ATP4A: variants seen among roughly 807,000 people sequenced by gnomAD.
The protein encoded by ATP4A is potassium-transporting ATPase alpha chain 1.
Under a neutral mutation model 112.1 loss-of-function variants are expected in ATP4A, and 73 were observed. The observed-to-expected ratio is 0.65, with a 90% CI of 0.54 to 0.79. ATP4A has a LOEUF of 0.79. ATP4A is among the 30% of genes least tolerant of loss of function. ATP4A has a pLI of 0.00. For synonymous variants in ATP4A, 588 were observed against 588.9 expected, an observed-to-expected ratio of 1.00 and a Z score of 0.02; for missense variants, 1,081 against 1,425.9, an observed-to-expected ratio of 0.76 and a Z score of 3.90.
Position 35,550,663 on chromosome 19 carries a change from A to G in ATP4A, c.3080-20T>C, listed in dbSNP as rs1179792301. On this transcript the variant is annotated intron_variant, in intron 21 of 21. Transcript: ENST00000262623. The surrounding 1 kb of genome is among the most constrained non-coding windows in gnomAD (Gnocchi z 4.1). Reference sequence around the variant, plus strand: ...ACCAGCCTGGGAGAGAGAGGGAGAAAGGAGACTCAGTGCTGGGGGTGCCAC... The same window carrying G: ...ACCAGCCTGGGAGAGAGAGGGAGAAGGGAGACTCAGTGCTGGGGGTGCCAC... The G allele has an allele frequency of 4.3e-6, 7 of 1,613,790 alleles. No homozygotes were observed. Among genetic ancestry groups the G allele is most frequent in the Non-Finnish European group, 5.1e-6 (6 of 1,179,812 alleles).
rs766648576 is a variant in ATP4A at position 35,556,963 on chromosome 19, G to T, written c.1819C>A (p.Arg607=). ...AGCACAGCATCAGGGACGGTGGCCC[G>T]GGGTGGGTCAATCATGGATACAAGT... ...AGLVSMIDPP[R]ATVPDAVLKC... Residue 607 remains arginine, a synonymous_variant, in exon 12 of 22, where the codon CGG becomes AGG. Coordinates refer to ENST00000262623, the MANE Select transcript of ATP4A (RefSeq NM_000704.3). 1.9e-6 allele frequency: 3 copies of T among 1,614,066 alleles called. No individual in the cohort carries two copies. Among genetic ancestry groups the T allele is most frequent in the Non-Finnish European group, 2.5e-6 (3 of 1,180,038 alleles).
chr19:35,558,582 G>A lies in ATP4A; in HGVS notation c.1360C>T (p.Pro454Ser), dbSNP rs756885561. 4 of 1,603,100 alleles carry A rather than the reference G, an allele frequency of 2.5e-6. No individual in the cohort carries two copies. Among genetic ancestry groups the A allele is most frequent in the Non-Finnish European group, 3.4e-6 (4 of 1,175,802 alleles). The change falls in exon 9 of 22, where the codon CCC becomes TCC. Residue 454 changes from proline (P) to serine (S), a missense_variant. By Grantham distance (74) the Pro-to-Ser change is moderately conservative (BLOSUM62 -1). This residue lies in a region of ATP4A where 850 missense variants were observed against 1,068.2 expected (regional missense o/e 0.80). Coordinates refer to ENST00000262623, the MANE Select transcript of ATP4A (RefSeq NM_000704.3). This position sits in a 1 kb window ranked among gnomAD's most constrained non-coding sequence, Gnocchi z 5.1. ...FKSGQDAVPV[P>S]KRIVIGDASE... ...GGAGGCCCCCTGGCTCTCACCTTGG[G>A]CACAGGCACTGCATCCTGGCCGGAC...
At chr19:35,563,153 C>G (rs1286830852) in intron 3 of ATP4A, 56 bp downstream of exon 3, 6 of 1,588,368 alleles carry the variant, frequency 3.8e-6, no homozygotes, top group Non-Finnish European at 5.2e-6. Context: ...CTTCCATCTC[C>G]CTCTCCCTCC....
In ATP4A at chr19:35,553,686, C is replaced by T. The variant is rs1296456062; in HGVS notation, c.2605+20G>A. 3 of 1,611,850 alleles carry T rather than the reference C, an allele frequency of 1.9e-6. No individual in the cohort carries two copies. Among genetic ancestry groups the T allele is most frequent in the Non-Finnish European group, 2.5e-6 (3 of 1,179,258 alleles). On this transcript the variant is annotated intron_variant, in intron 17 of 21. Coordinates refer to ENST00000262623, the MANE Select transcript of ATP4A (RefSeq NM_000704.3). ...CGCAGAGCCCCCCACCTCCAGGCTC[C>T]CCGGCCCACGGGCACCCACCAATCT...
Position 35,559,888 on chromosome 19 carries a change from C to T in ATP4A, c.973G>A (p.Gly325Ser), listed in dbSNP as rs1368434053. The stretch of plus-strand genomic sequence containing the variant: ...ACCATGGCCCGCAGGAAGGTGTAGC[C>T]AATGCACATGGCCACAATAAAAAAT... ...ATFFIVAMCI[G>S]YTFLRAMVFF... The change falls in exon 7 of 22, where the codon GGC (glycine) becomes AGC (serine). Residue 325 changes from glycine (G) to serine (S), a missense_variant. Around this residue, in one of 3 missense-constraint regions of ATP4A, gnomAD observed 850 missense variants for 1,068.2 expected, o/e 0.80. Coordinates refer to ENST00000262623, the MANE Select transcript of ATP4A (RefSeq NM_000704.3). This position sits in a 1 kb window ranked among gnomAD's most constrained non-coding sequence, Gnocchi z 4.1. 1 of 1,614,202 alleles carries T rather than the reference C, an allele frequency of 6.2e-7. No homozygotes were observed. The highest frequency in any genetic ancestry group is 8.5e-7 in the Non-Finnish European group (1 of 1,180,032).
chr19:35,557,819 C>T lies in ATP4A; in HGVS notation c.1529G>A (p.Arg510Gln), dbSNP rs1020971073. 5.2e-6 allele frequency: 8 copies of T among 1,541,632 alleles called. No individual in the cohort carries two copies. The highest frequency in any genetic ancestry group is 7.0e-6 in the Non-Finnish European group (8 of 1,137,378). Residue 510 changes from arginine to glutamine, a missense_variant, in exon 11 of 22, where the codon CGG becomes CAG. Arg to Gln is a conservative substitution (Grantham distance 43, BLOSUM62 1). Around this residue, in one of 3 missense-constraint regions of ATP4A, gnomAD observed 850 missense variants for 1,068.2 expected, o/e 0.80. Coordinates refer to ENST00000262623, the MANE Select transcript of ATP4A (RefSeq NM_000704.3). This position sits in a 1 kb window ranked among gnomAD's most constrained non-coding sequence, Gnocchi z 4.4. ...QLSIHTLEDPRDPRHLLVMKG... is the reference protein window; with the variant it reads ...QLSIHTLEDPQDPRHLLVMKG... Reference sequence around the variant, plus strand: ...CATCACCAGCAAGTGTCGCGGGTCCCGCGGGTCCTCCAGCGTATGGATGGA... The same window carrying T: ...CATCACCAGCAAGTGTCGCGGGTCCTGCGGGTCCTCCAGCGTATGGATGGA...
rs201359040 is a variant in ATP4A at position 35,559,941 on chromosome 19, G to A, written c.920C>T (p.Ala307Val). 45 of 1,614,110 alleles carry A rather than the reference G, an allele frequency of 2.8e-5. No homozygotes were observed. Among genetic ancestry groups the A allele is most frequent in the Non-Finnish European group, 3.5e-5 (41 of 1,180,046 alleles). The change falls in exon 7 of 22, where the codon GCG (alanine) becomes GTG (valine). Residue 307 changes from alanine (A) to valine (V), a missense_variant. Coordinates refer to ENST00000262623, the MANE Select transcript of ATP4A (RefSeq NM_000704.3). The surrounding 1 kb of genome is among the most constrained non-coding windows in gnomAD (Gnocchi z 4.1). ...GGCACCGAAGAGAATGGCCAGGCCC[G>A]CGATGATGTCCACAAAATGCTCGAT... Reference protein sequence around the residue: ...IEIEHFVDIIAGLAILFGATF... With the variant: ...IEIEHFVDIIVGLAILFGATF...
chr19:35,551,152 G>A lies in ATP4A; in HGVS notation c.2886-41C>T. 1.9e-6 allele frequency: 3 copies of A among 1,553,710 alleles called. No individual in the cohort carries two copies. The highest frequency in any genetic ancestry group is 2.6e-6 in the Non-Finnish European group (3 of 1,142,766). ...ATGGGACAGGCCATTAGGAATTGGG[G>A]ACGTGATGGAAATCAGGATACTGTG... is the stretch of plus-strand genomic sequence containing the variant. On this transcript the variant is annotated intron_variant, in intron 19 of 21. Transcript: ENST00000262623. This position sits in a 1 kb window ranked among gnomAD's most constrained non-coding sequence, Gnocchi z 5.2.
In ATP4A at chr19:35,555,403, G is replaced by C. The variant is rs1365247838; in HGVS notation, c.2157+37C>G. 5.0e-6 allele frequency: 8 copies of C among 1,602,230 alleles called. No individual in the cohort carries two copies. The highest frequency in any genetic ancestry group is 6.0e-6 in the Non-Finnish European group (7 of 1,172,490). ...GGCCGGTCCAAGACCAGCCCCGCCTGTCTGCCCGCCTGCCCACCCTCATCA... is the reference window on the plus strand; with the variant it reads ...GGCCGGTCCAAGACCAGCCCCGCCTCTCTGCCCGCCTGCCCACCCTCATCA... On this transcript the variant is annotated intron_variant, in intron 14 of 21. Transcript: ENST00000262623. This position sits in a 1 kb window ranked among gnomAD's most constrained non-coding sequence, Gnocchi z 6.6.
At position 35,560,131 on chromosome 19, in the gene ATP4A, C is replaced by A; in HGVS notation, c.788-58G>T. 6.3e-7 allele frequency: 1 copy of A among 1,594,958 alleles called. No individual in the cohort carries two copies. Among genetic ancestry groups the A allele is most frequent in the South Asian group, 1.1e-5 (1 of 89,180 alleles). On this transcript the variant is annotated intron_variant, in intron 6 of 21. Transcript: ENST00000262623. The surrounding 1 kb of genome is among the most constrained non-coding windows in gnomAD (Gnocchi z 5.1). ...GGGGGCGGCAGTGGGGTGTGCACTG[C>A]CGTGTGAGCTGAAGGACAGCCAGTC...
rs1257237574 is a variant in ATP4A, at chr19:35,558,024, G to T, written c.1501-177C>A. ...GCCTTGTGTGGAGGGGTCCTTGGTA[G>T]AAGGTAAGCGTTAAGGCGGGGCTAG... On this transcript the variant is annotated intron_variant, in intron 10 of 21. Transcript: ENST00000262623. The surrounding 1 kb of genome is among the most constrained non-coding windows in gnomAD (Gnocchi z 5.1). 3.2e-6 allele frequency: 2 copies of T among 627,476 alleles called. No individual in the cohort carries two copies. Among genetic ancestry groups the T allele is most frequent in the Non-Finnish European group, 5.4e-6 (2 of 368,040 alleles). 38.9% of individuals were successfully genotyped at this position (627,476 alleles called of 1,614,324 possible).
chr19:35,560,852 GT>G lies in ATP4A; in HGVS notation c.500del (p.Asn167ThrfsTer38). On this transcript the variant is annotated frameshift_variant, in exon 5 of 22. Coordinates refer to ENST00000262623, the MANE Select transcript of ATP4A (RefSeq NM_000704.3). LOFTEE classifies it high-confidence loss of function. The surrounding 1 kb of genome is among the most constrained non-coding windows in gnomAD (Gnocchi z 5.1). ...FGYYQEFKST[N>X]IIASFKNLVP... ...CAAGGTTCTTAAAGCTGGCGATGAT[GT>G]TGGTGCTCTTGAATTCCTGGTAGTA... 6.2e-7 allele frequency: 1 copy of G among 1,614,072 alleles called. No homozygotes were observed. The highest frequency in any genetic ancestry group is 8.5e-7 in the Non-Finnish European group (1 of 1,179,982).
At chr19:35,552,295 C>T (rs1022071669) in intron 18 of ATP4A, among the ~76,000 whole-genome samples, 10 of 152,166 alleles carry the variant, frequency 6.6e-5, no homozygotes, top group African/African-American at 2.4e-4. Flanking sequence ...CTCATTTAAT[C>T]CGCTGGGTAA....
intron 18 of ATP4A, among the ~76,000 whole-genome samples, chr19:35,552,121 A>G (rs999456103): frequency 2.0e-5 from 3 of 152,016 alleles, no homozygotes; most frequent in Non-Finnish European, 4.4e-5. Flanking sequence ...ATCTCAGCTC[A>G]CTGCAACTTC....
rs2071622752 is a variant in ATP4A at position 35,555,102 on chromosome 19, C to T, written c.2327-26G>A. 2 of 1,612,958 alleles carry T rather than the reference C, an allele frequency of 1.2e-6. No individual in the cohort carries two copies. On this transcript the variant is annotated intron_variant, in intron 15 of 21. Coordinates refer to ENST00000262623, the MANE Select transcript of ATP4A (RefSeq NM_000704.3). The surrounding 1 kb of genome is among the most constrained non-coding windows in gnomAD (Gnocchi z 6.6). ...CTGTGGGGTAGGGTGGGCACCTCAGCCTCCTCACAGCCCTCTCCCTCCTGT... is the reference window on the plus strand; with the variant it reads ...CTGTGGGGTAGGGTGGGCACCTCAGTCTCCTCACAGCCCTCTCCCTCCTGT...
At position 35,562,605 on chromosome 19, in the gene ATP4A, G is replaced by C. The variant is rs1194788657; in HGVS notation, c.250C>G (p.Leu84Val). 4.4e-6 allele frequency: 7 copies of C among 1,608,458 alleles called. No homozygotes were observed. The South Asian group carries it at 7.8e-5, about 18-fold the overall frequency. The change falls in exon 4 of 22, where the codon CTG becomes GTG. Residue 84 changes from leucine to valine, a missense_variant. Leu to Val is a conservative substitution (Grantham distance 32). This residue lies in a region of ATP4A where 850 missense variants were observed against 1,068.2 expected (regional missense o/e 0.80). Transcript: ENST00000262623. ...CGCAGTGCGTTGGGCCCATCCCGCA[G>C]CAGCAGCTCAGCAGCCAGGCTCGCA... ...LSASLAAELL[L>V]RDGPNALRPP... is the part of the protein sequence containing the mutation.
Position 35,558,076 on chromosome 19 carries a change from G to A in ATP4A, c.1501-229C>T, listed in dbSNP as rs976696539. The A allele has an allele frequency of 6.6e-6, 4 of 610,026 alleles. No individual in the cohort carries two copies. In the African/African-American group the frequency reaches 7.5e-5, roughly 11 times the overall value. 37.8% of individuals were successfully genotyped at this position (610,026 alleles called of 1,614,324 possible). ...TGCAGATTTGGAGTCCTGGACGCAGGGAATGAACAGAATTAGGGTGCGGAG... is the reference window on the plus strand; with the variant it reads ...TGCAGATTTGGAGTCCTGGACGCAGAGAATGAACAGAATTAGGGTGCGGAG... On this transcript the variant is annotated intron_variant, in intron 10 of 21. Coordinates refer to ENST00000262623, the MANE Select transcript of ATP4A (RefSeq NM_000704.3). This position sits in a 1 kb window ranked among gnomAD's most constrained non-coding sequence, Gnocchi z 5.1.
Position 35,558,378 on chromosome 19 carries a change from G to T in ATP4A, c.1484C>A (p.Ser495Tyr). Residue 495 changes from serine to tyrosine, a missense_variant, in exon 10 of 22, where the codon TCC becomes TAC. Around this residue, in one of 3 missense-constraint regions of ATP4A, gnomAD observed 850 missense variants for 1,068.2 expected, o/e 0.80. Coordinates refer to ENST00000262623, the MANE Select transcript of ATP4A (RefSeq NM_000704.3). This position sits in a 1 kb window ranked among gnomAD's most constrained non-coding sequence, Gnocchi z 5.1. ...FPKVCEIPFN[S>Y]TNKFQLSIHT... ...GCTGCGCACCTGGAACTTGTTGGTGGAGTTGAAGGGTATCTCGCAGACTTT... is the reference window on the plus strand; with the variant it reads ...GCTGCGCACCTGGAACTTGTTGGTGTAGTTGAAGGGTATCTCGCAGACTTT... The T allele has an allele frequency of 6.2e-7, 1 of 1,611,400 alleles. No homozygotes were observed. Among genetic ancestry groups the T allele is most frequent in the Non-Finnish European group, 8.5e-7 (1 of 1,178,968 alleles).
At chr19:35,561,071 T>A (rs2071668162) in intron 4 of ATP4A, 139 bp from the exon 5 acceptor site, 1 of 678,238 alleles carries the variant, frequency 1.5e-6, no homozygotes, top group African/African-American at 1.8e-5. Flanking sequence ...CCATGCACCA[T>A]TCCCTGTAGC....
Sources: allele counts gnomAD v4.1 joint callset (sites outside exome capture counted in the v4.1 genomes callset), GRCh38; gene constraint gnomAD v4.1.1; regional missense constraint gnomAD v4.1.1; non-coding constraint Gnocchi (gnomAD v3.1); transcripts MANE v1.5; gene names NCBI Gene and HGNC (gene_info 2026-07-23, HGNC 2026-07-21).